Variants in HAPLN1 observed in about 807,000 individuals in gnomAD.
HAPLN1 encodes the protein hyaluronan and proteoglycan link protein 1.
Under a neutral mutation model 36.5 loss-of-function variants are expected in HAPLN1, and 13 were observed. That is an observed-to-expected ratio of 0.36 (90% CI 0.23 to 0.57). HAPLN1 has a LOEUF of 0.57. Among genes scored for constraint, HAPLN1 ranks in the 20% least tolerant of loss-of-function variants. HAPLN1 has a pLI of 0.83. For synonymous variants in HAPLN1, 202 were observed against 169.8 expected, an observed-to-expected ratio of 1.19 and a Z score of -1.48; for missense variants, 407 against 439.7, an observed-to-expected ratio of 0.93 and a Z score of 0.66.
intron 1 of HAPLN1, among the ~76,000 whole-genome samples, chr5:83,700,702 A>G (rs1380060850): frequency 6.8e-6 from 1 of 146,900 alleles, no homozygotes; most frequent in African/African-American, 2.5e-5. Flanking sequence ...CATAATGACT[A>G]TTAGACTAAG....
rs1160445184 is a variant in HAPLN1 at position 83,639,990 on chromosome 5, T to C, written c.*1506A>G. 1 of 152,084 alleles carries C rather than the reference T, an allele frequency of 6.6e-6. No homozygotes were observed. Among genetic ancestry groups the C allele is most frequent in the Non-Finnish European group, 1.5e-5 (1 of 67,942 alleles). 9.4% of individuals were successfully genotyped at this position (152,084 alleles called of 1,614,324 possible). ...AGCTTTAAATGCAACCACAATCCAT[T>C]CAGGAAACAGATTTATTTACTCATG... On this transcript the variant is annotated 3_prime_UTR_variant, in exon 5 of 5. Transcript: ENST00000274341.
chr5:83,675,185 A>C (rs2112601796), intron 1 of HAPLN1: 1 of 152,310 alleles, frequency 6.6e-6, no homozygotes, highest in East Asian at 1.9e-4. Context: ...TTTTCAGCCC[A>C]GGATTGTGCT....
intron 1 of HAPLN1, among the ~76,000 whole-genome samples, chr5:83,676,916 T>C (rs1442357998): frequency 6.6e-6 from 1 of 152,198 alleles, no homozygotes; most frequent in Non-Finnish European, 1.5e-5. Flanking sequence ...AATAGGAATG[T>C]AATTTTACAG....
At chr5:83,696,216 G>C (rs918303923) in intron 1 of HAPLN1, among the ~76,000 whole-genome samples, 1 of 152,024 alleles carries the variant, frequency 6.6e-6, no homozygotes, top group African/African-American at 2.4e-5. Context: ...TATGCAAATT[G>C]TACTCTGAAA....
At chr5:83,705,326 AT>A (rs1321972960) in intron 1 of HAPLN1, among the ~76,000 whole-genome samples, 1 of 141,556 alleles carries the variant, frequency 7.1e-6, no homozygotes, top group Non-Finnish European at 1.5e-5. Flanking sequence ...GGAGGCGGAG[AT>A]TTCAGTGAGC....
At chr5:83,661,435 C>CTTTTTTTTTTTTTTTT (rs56005008) in intron 2 of HAPLN1, among the ~76,000 whole-genome samples, 4 of 62,958 alleles carry the variant, frequency 6.4e-5, no homozygotes, top group African/African-American at 2.7e-4. Flanking sequence ...AGAAAAGCTT[C>CTTTTTTTTTTTTTTTT]TTTTTTTTTT....
intron 1 of HAPLN1, among the ~76,000 whole-genome samples, chr5:83,695,743 T>C (rs1167455787): frequency 6.6e-6 from 1 of 150,714 alleles, no homozygotes; most frequent in Non-Finnish European, 1.5e-5. Flanking sequence ...AACTAAAAAC[T>C]CTTAATAAAG....
chr5:83,714,013 A>G (rs949374560), intron 1 of HAPLN1, among the ~76,000 whole-genome samples: 5 of 152,216 alleles, frequency 3.3e-5, no homozygotes, highest in African/African-American at 4.8e-5. Context: ...TAAGGAAACA[A>G]AAACAGAGCT....
chr5:83,641,953 T>G (rs943134001), intron 4 of HAPLN1, among the ~76,000 whole-genome samples, 168 bp from the exon 5 acceptor site: 2 of 152,200 alleles, frequency 1.3e-5, no homozygotes, highest in Admixed American at 1.3e-4. Context: ...CCTACGTCAC[T>G]TCCATTAAAT....
chr5:83,707,834 G>A (rs1191311699), intron 1 of HAPLN1, among the ~76,000 whole-genome samples: 2 of 151,998 alleles, frequency 1.3e-5, no homozygotes, highest in East Asian at 3.9e-4. Flanking sequence ...CTATACATCT[G>A]TAAGAACTTA....
At chr5:83,656,491 T>A (rs577926212) in intron 2 of HAPLN1, among the ~76,000 whole-genome samples, 1 of 151,710 alleles carries the variant, frequency 6.6e-6, no homozygotes, top group Non-Finnish European at 1.5e-5. Flanking sequence ...CATACAAGTG[T>A]CCATTTCCCC....
intron 1 of HAPLN1, among the ~76,000 whole-genome samples, chr5:83,707,338 A>G (rs992084086): frequency 2.0e-5 from 3 of 152,208 alleles, no homozygotes; most frequent in Admixed American, 6.5e-5. Context: ...AAACTATACT[A>G]CAGGGCTACA....
intron 1 of HAPLN1, among the ~76,000 whole-genome samples, chr5:83,689,107 T>C (rs1202759415): frequency 6.6e-6 from 1 of 152,186 alleles, no homozygotes; most frequent in Non-Finnish European, 1.5e-5. Flanking sequence ...TTAAATTTAC[T>C]CAGTCCATTG....
chr5:83,670,689 T>G (rs866668025), intron 2 of HAPLN1, among the ~76,000 whole-genome samples: 1 of 148,818 alleles, frequency 6.7e-6, no homozygotes, highest in African/African-American at 2.5e-5. Flanking sequence ...TACCTTTGTT[T>G]TGTGTGTGTG....
At chr5:83,679,448 C>T (rs931220415) in intron 1 of HAPLN1, among the ~76,000 whole-genome samples, 1 of 152,122 alleles carries the variant, frequency 6.6e-6, no homozygotes, top group Non-Finnish European at 1.5e-5. Flanking sequence ...TTTCCCCTAA[C>T]TTTTCTATTC....
chr5:83,644,700 C>A (rs1404961807), intron 3 of HAPLN1, 35 bp from the exon 4 acceptor site: 2 of 1,376,434 alleles, frequency 1.5e-6, no homozygotes, highest in African/African-American at 3.0e-5. Flanking sequence ...TTGTTAGAAG[C>A]CCCAAAACTA....
chr5:83,655,828 T>G (rs1312321574), intron 2 of HAPLN1, among the ~76,000 whole-genome samples: 2 of 152,014 alleles, frequency 1.3e-5, no homozygotes, highest in African/African-American at 4.8e-5. Flanking sequence ...GCAGTTCTCA[T>G]CAGGTGCTAT....
chr5:83,714,108 T>A (rs965657400), intron 1 of HAPLN1, among the ~76,000 whole-genome samples: 11 of 152,162 alleles, frequency 7.2e-5, no homozygotes, highest in African/African-American at 2.2e-4. Flanking sequence ...CGAAGCCCCA[T>A]GTTCTGCACT....
At position 83,686,295 on chromosome 5, in the gene HAPLN1, T is replaced by C. The variant is rs554420498; in HGVS notation, c.-26-12746A>G. On this transcript the variant is annotated intron_variant, in intron 1 of 4. Transcript: ENST00000274341. ...ACCTACCTGTCTTAAAAGGAGAAAA[T>C]TATGACAGGTAAAACAACGAAACAG... Among the ~76,000 whole-genome samples the C allele has an allele frequency of 8.5e-5, 13 of 152,094 alleles. No homozygotes were observed. In the East Asian group the frequency reaches 2.5e-3, roughly 29 times the overall value.
Sources: allele counts gnomAD v4.1 joint callset (sites outside exome capture counted in the v4.1 genomes callset), GRCh38; gene constraint gnomAD v4.1.1; transcripts MANE v1.5; gene names NCBI Gene and HGNC (gene_info 2026-07-23, HGNC 2026-07-21).